Variants in ASTN1 observed in about 807,000 individuals in gnomAD.
ASTN1 encodes astrotactin-1.
Under a neutral mutation model 140.7 loss-of-function variants are expected in ASTN1, and 41 were observed. That is an observed-to-expected ratio of 0.29 (90% confidence interval 0.23 to 0.38). The LOEUF is 0.38. ASTN1 is among the 10% of genes least tolerant of loss of function. The probability of loss-of-function intolerance (pLI) is 1.00; values close to 1 mark genes in which losing one functional copy is unlikely to be tolerated. For synonymous variants in ASTN1, 640 were observed against 652.2 expected (o/e 0.98, Z 0.29); for missense variants, 1,479 against 1,678.8 (o/e 0.88, Z 2.08).
At chr1:177,102,711 A>G (rs1374098257) in intron 1 of ASTN1, among the ~76,000 whole-genome samples, 2 of 152,252 alleles carry the variant, frequency 1.3e-5, no homozygotes, top group Non-Finnish European at 2.9e-5. Flanking sequence ...AAATGATGGT[A>G]TCCAATGGGT....
At chr1:177,055,996 C>G (rs1677782781) in intron 2 of ASTN1, among the ~76,000 whole-genome samples, 1 of 152,172 alleles carries the variant, frequency 6.6e-6, no homozygotes, top group Admixed American at 6.5e-5. Flanking sequence ...CTGCTCCTCT[C>G]TACATTGGAA....
chr1:177,127,530 C>G (rs919710767), intron 1 of ASTN1, among the ~76,000 whole-genome samples: 2 of 152,194 alleles, frequency 1.3e-5, no homozygotes, highest in Non-Finnish European at 2.9e-5. Context: ...GCCCAAGGCT[C>G]TAACCACCAT....
chr1:176,858,781 G>A (rs1449801681), downstream of ASTN1, among the ~76,000 whole-genome samples: 1 of 152,150 alleles, frequency 6.6e-6, no homozygotes, highest in East Asian at 1.9e-4. Flanking sequence ...TGTCTGACAT[G>A]GGGTAACTGG....
intron 2 of ASTN1, among the ~76,000 whole-genome samples, chr1:177,054,124 T>C (rs140236561): frequency 2.6e-5 from 4 of 152,318 alleles, no homozygotes; most frequent in Admixed American, 1.3e-4. Context: ...CTGGACTCTG[T>C]GGACTGCCTT....
chr1:176,934,577 T>C (rs1014399551), intron 15 of ASTN1, among the ~76,000 whole-genome samples: 3 of 152,114 alleles, frequency 2.0e-5, no homozygotes, highest in African/African-American at 7.2e-5. Context: ...AAGCAAAACA[T>C]TGCCAAACCT....
intron 2 of ASTN1, among the ~76,000 whole-genome samples, chr1:177,046,299 C>T (rs1677219345): frequency 6.6e-6 from 1 of 152,198 alleles, no homozygotes; most frequent in South Asian, 2.1e-4. Flanking sequence ...TCATTTATAA[C>T]TTTGACTCCA....
intron 16 of ASTN1, among the ~76,000 whole-genome samples, chr1:176,900,159 T>C (rs1320745233): frequency 6.6e-6 from 1 of 152,178 alleles, no homozygotes; most frequent in Non-Finnish European, 1.5e-5. Context: ...AGTCCTTTAC[T>C]AACACATCAA....
intron 9 of ASTN1, among the ~76,000 whole-genome samples, chr1:176,960,288 G>A (rs1407168892): frequency 2.0e-5 from 3 of 152,210 alleles, no homozygotes; most frequent in African/African-American, 4.8e-5. Flanking sequence ...CCATTTTAGA[G>A]AGAATGTCTA....
In ASTN1 at chr1:177,061,142, G is replaced by A; in HGVS notation, c.407C>T (p.Pro136Leu). 6.2e-7 allele frequency: 1 copy of A among 1,612,020 alleles called. No homozygotes were observed. Among genetic ancestry groups the A allele is most frequent in the Non-Finnish European group, 8.5e-7 (1 of 1,179,160 alleles). ...CGACTCATGTTGGGGTTCTTCAGTGGGGTCTTGTCCAGGAAGGCTTGGGGC... is the reference window on the plus strand; with the variant it reads ...CGACTCATGTTGGGGTTCTTCAGTGAGGTCTTGTCCAGGAAGGCTTGGGGC... ...DGAPSLPGQD[P>L]TEEPQHESAE... is the part of the protein sequence containing the mutation. Residue 136 changes from proline to leucine, a missense_variant, in exon 2 of 23, where the codon CCC (proline) becomes CTC (leucine). Around this residue, in one of 3 missense-constraint regions of ASTN1, gnomAD observed 729 missense variants for 860.4 expected, o/e 0.85. Transcript: ENST00000361833.
At chr1:177,021,511 T>A (rs774626247) in intron 7 of ASTN1, among the ~76,000 whole-genome samples, 8 of 152,214 alleles carry the variant, frequency 5.3e-5, no homozygotes, top group Non-Finnish European at 1.0e-4. Context: ...TTAAGCAACC[T>A]TTATAATCCC....
rs192585708 is a variant in ASTN1 at position 177,146,075 on chromosome 1, G to C, written c.283+18319C>G. Among the ~76,000 whole-genome samples the C allele has an allele frequency of 6.6e-3, 1,007 of 151,912 alleles. 11 individuals carry two copies. The highest frequency in any genetic ancestry group is 0.022 in the African/African-American group (899 of 41,394). On this transcript the variant is annotated intron_variant, in intron 1 of 22. Coordinates refer to ENST00000361833, the MANE Select transcript of ASTN1 (RefSeq NM_004319.3). ...TACAGTAATAAGAAACCCACTGCACGTTAACATAAGCCATATATTTTATTA... is the reference window on the plus strand; with the variant it reads ...TACAGTAATAAGAAACCCACTGCACCTTAACATAAGCCATATATTTTATTA...
At chr1:177,006,360 T>G (rs1674994099) in intron 8 of ASTN1, among the ~76,000 whole-genome samples, 1 of 151,770 alleles carries the variant, frequency 6.6e-6, no homozygotes, top group Non-Finnish European at 1.5e-5. Context: ...GTAATGGCAG[T>G]TTTCTCTACA....
chr1:177,090,206 A>T (rs1292051558), intron 1 of ASTN1, among the ~76,000 whole-genome samples: 1 of 151,844 alleles, frequency 6.6e-6, no homozygotes, highest in African/African-American at 2.4e-5. Flanking sequence ...GGGATCTCAC[A>T]GACCAGCAAT....
intron 15 of ASTN1, among the ~76,000 whole-genome samples, chr1:176,934,645 C>T (rs1671356582): frequency 6.6e-6 from 1 of 150,872 alleles, no homozygotes; most frequent in Non-Finnish European, 1.5e-5. Context: ...CAGGTCATGA[C>T]ATTAAATCAA....
intron 22 of ASTN1, among the ~76,000 whole-genome samples, chr1:176,868,042 C>T (rs572585950): frequency 6.6e-6 from 1 of 151,894 alleles, no homozygotes; most frequent in Non-Finnish European, 1.5e-5. Context: ...CAGCTCTTCC[C>T]CTATTTTTAT....
intron 16 of ASTN1, among the ~76,000 whole-genome samples, chr1:176,914,768 G>A (rs1243632798): frequency 6.6e-6 from 1 of 152,190 alleles, no homozygotes; most frequent in Non-Finnish European, 1.5e-5. Context: ...GGAGGTCTGG[G>A]AGTCAGACTG....
chr1:176,868,722 A>G, intron 22 of ASTN1, 122 bp downstream of exon 22: 1 of 1,093,588 alleles, frequency 9.1e-7, no homozygotes, highest in Non-Finnish European at 1.3e-6. Context: ...CAGAGGACTG[A>G]CTTCTCTGAT....
At chr1:177,115,810 T>C (rs1326995325) in intron 1 of ASTN1, among the ~76,000 whole-genome samples, 1 of 152,144 alleles carries the variant, frequency 6.6e-6, no homozygotes, top group Non-Finnish European at 1.5e-5. Context: ...CTACTGCTAA[T>C]ATTTCTGGGG....
In ASTN1 at chr1:176,946,072, G is replaced by A. The variant is rs752026849; in HGVS notation, c.2103C>T (p.Leu701=). The change falls in exon 13 of 23, where the codon CTC becomes CTT. Residue 701 remains leucine, a synonymous_variant. Coordinates refer to ENST00000361833, the MANE Select transcript of ASTN1 (RefSeq NM_004319.3). ...KLGVDGRSCQ[L]ITETCPEGSD... Reference sequence around the variant, plus strand: ...TTCCCTCTGGACAGGTCTCCGTGATGAGTTGGCAAGAGCGTCCATCCACAC... The same window carrying A: ...TTCCCTCTGGACAGGTCTCCGTGATAAGTTGGCAAGAGCGTCCATCCACAC... 1.9e-6 allele frequency: 3 copies of A among 1,613,740 alleles called. No homozygotes were observed. The Admixed American group carries it at 5.0e-5, about 27-fold the overall frequency.
Sources: gnomAD v4.1 joint callset for allele counts (sites outside exome capture counted in the v4.1 genomes callset) on GRCh38, gnomAD v4.1.1 for gene constraint, gnomAD v4.1.1 regional missense constraint, MANE v1.5 for transcripts, NCBI Gene and HGNC (gene_info 2026-07-23, HGNC 2026-07-21) for gene names.